Variants in BAZ2B observed in about 807,000 individuals in gnomAD.
BAZ2B encodes bromodomain adjacent to zinc finger domain 2B.
Under a neutral mutation model 246.0 loss-of-function variants are expected in BAZ2B, and 91 were observed. That is an observed-to-expected ratio of 0.37 (90% CI 0.31 to 0.44). The LOEUF (loss-of-function observed/expected upper bound fraction) is 0.44. Among genes scored for constraint, BAZ2B ranks in the 20% least tolerant of loss-of-function variants. The pLI is 1.00. For synonymous variants in BAZ2B, 855 were observed against 860.0 expected (o/e 0.99, Z 0.10); for missense variants, 2,332 against 2,533.7 (o/e 0.92, Z 1.71).
At chr2:159,642,567 A>G in the BAZ2B span, among the ~76,000 whole-genome samples, 1 of 152,126 alleles carries the variant, frequency 6.6e-6, no homozygotes, top group African/African-American at 2.4e-5. Flanking sequence ...AATGGGGGAA[A>G]TTATAATTGT....
At chr2:159,580,097 G>C in intron 1 of BAZ2B, among the ~76,000 whole-genome samples, 1 of 152,086 alleles carries the variant, frequency 6.6e-6, no homozygotes, top group Non-Finnish European at 1.5e-5. Context: ...AGAAATAAAG[G>C]GTATTGAATA....
intron 2 of BAZ2B, among the ~76,000 whole-genome samples, chr2:159,488,781 A>T (rs1040830244): frequency 3.9e-5 from 6 of 152,150 alleles, no homozygotes; most frequent in Admixed American, 2.6e-4. Flanking sequence ...TCAACAATGA[A>T]ATGAGCTATT....
In BAZ2B at chr2:159,386,133, G is replaced by C. The variant is rs1298349068; in HGVS notation, c.3471+220C>G. On this transcript the variant is annotated intron_variant, in intron 22 of 36. Transcript: ENST00000392783. ...ACCTTGGTCTTTGCCTACAGCTAGA[G>C]GAAAAAAGAATAACTTGAGAATGGT... 1.3e-5 allele frequency among the ~76,000 whole-genome samples: 2 copies of C among 151,984 alleles called. 1 individual carries two copies. The highest frequency in any genetic ancestry group is 2.9e-5 in the Non-Finnish European group (2 of 67,978).
chr2:159,484,045 G>A (rs915411528), intron 2 of BAZ2B, among the ~76,000 whole-genome samples: 2 of 152,252 alleles, frequency 1.3e-5, no homozygotes, highest in African/African-American at 4.8e-5. Flanking sequence ...GAACATATGG[G>A]TGACATTTTC....
chr2:159,367,274 C>A (rs370383363), intron 27 of BAZ2B, among the ~76,000 whole-genome samples: 1 of 152,184 alleles, frequency 6.6e-6, no homozygotes, highest in Non-Finnish European at 1.5e-5. Flanking sequence ...AGGCACACCC[C>A]TGTGGAACCA....
Position 159,350,374 on chromosome 2 carries a change from C to A in BAZ2B, c.4214-17G>T. The A allele has an allele frequency of 1.3e-6, 2 of 1,487,566 alleles. No homozygotes were observed. The highest frequency in any genetic ancestry group is 2.7e-5 in the South Asian group (2 of 73,536). The allele number at this position is 1,487,566 out of a possible 1,614,324, so 92.1% of individuals were successfully genotyped here. ...CTTCTAGTCCTACAAAATGAAAAAG[C>A]ATTATGAACATCAGTTACTCCAGAT... On this transcript the variant is annotated splice_polypyrimidine_tract_variant and intron_variant, in intron 27 of 36. Transcript: ENST00000392783.
the BAZ2B span, among the ~76,000 whole-genome samples, chr2:159,673,224 AAAT>A: frequency 6.6e-6 from 1 of 152,182 alleles, no homozygotes; most frequent in Non-Finnish European, 1.5e-5. Flanking sequence ...TGATTCAGAA[AAAT>A]AATATGAACT....
chr2:159,546,007 G>C (rs2087286751), intron 2 of BAZ2B, among the ~76,000 whole-genome samples: 2 of 152,058 alleles, frequency 1.3e-5, no homozygotes, highest in African/African-American at 4.8e-5. Flanking sequence ...GCTATGAATA[G>C]CACATTTCAA....
intron 1 of BAZ2B, among the ~76,000 whole-genome samples, chr2:159,593,005 A>G (rs544192371): frequency 6.6e-6 from 1 of 152,342 alleles, no homozygotes; most frequent in South Asian, 2.1e-4. Context: ...TAAATGATGA[A>G]GCAAAGCCTT....
the BAZ2B span, among the ~76,000 whole-genome samples, chr2:159,662,880 C>G: frequency 3.9e-5 from 6 of 152,192 alleles, no homozygotes; most frequent in East Asian, 1.2e-3. Flanking sequence ...GAATTAGTAT[C>G]TTATTGTCAT....
At chr2:159,496,134 G>A (rs2081097777) in intron 2 of BAZ2B, among the ~76,000 whole-genome samples, 1 of 149,050 alleles carries the variant, frequency 6.7e-6, no homozygotes, top group South Asian at 2.1e-4. Flanking sequence ...CCAGCACTTT[G>A]GGAGGTCAAG....
intron 1 of BAZ2B, among the ~76,000 whole-genome samples, chr2:159,569,820 G>A (rs969114028): frequency 4.0e-5 from 6 of 151,548 alleles, no homozygotes; most frequent in African/African-American, 1.5e-4. Context: ...GCAAGAGCCT[G>A]TCTCATAAAA....
chr2:159,709,931 T>A, the BAZ2B span, among the ~76,000 whole-genome samples: 1 of 152,102 alleles, frequency 6.6e-6, no homozygotes, highest in Non-Finnish European at 1.5e-5. Flanking sequence ...AGTTTAAAAA[T>A]GAAAACTAAG....
intron 1 of BAZ2B, among the ~76,000 whole-genome samples, chr2:159,580,152 T>C (rs1246312432): frequency 2.0e-5 from 3 of 152,216 alleles, no homozygotes; most frequent in Non-Finnish European, 4.4e-5. Flanking sequence ...GATGACATGA[T>C]TTTTTATTTA....
At chr2:159,439,758 T>C (rs913763345) in intron 6 of BAZ2B, among the ~76,000 whole-genome samples, 1 of 152,096 alleles carries the variant, frequency 6.6e-6, no homozygotes, top group African/African-American at 2.4e-5. Context: ...TAATAAGTGC[T>C]GTAGAGAAGA....
chr2:159,495,460 G>C (rs1445768377), intron 2 of BAZ2B, among the ~76,000 whole-genome samples: 1 of 120,350 alleles, frequency 8.3e-6, no homozygotes, highest in Admixed American at 9.9e-5. Flanking sequence ...ACTCCAGCCT[G>C]GGCGACAGAG....
At chr2:159,657,473 A>G in the BAZ2B span, among the ~76,000 whole-genome samples, 1 of 152,156 alleles carries the variant, frequency 6.6e-6, no homozygotes, top group Non-Finnish European at 1.5e-5. Context: ...TAAACTTCAG[A>G]ATCAGCTTGT....
rs16844064 is a variant in BAZ2B, at chr2:159,507,348, A to T, written c.-2-28627T>A. On this transcript the variant is annotated intron_variant, in intron 2 of 36. Coordinates refer to ENST00000392783, the MANE Select transcript of BAZ2B (RefSeq NM_013450.4). ...TAGTAATGAAAGTTAGGCTTCAAACAACTACGACAGTGAGGAGGTTAAAAA... is the reference window on the plus strand; with the variant it reads ...TAGTAATGAAAGTTAGGCTTCAAACTACTACGACAGTGAGGAGGTTAAAAA... Among the ~76,000 whole-genome samples the T allele has an allele frequency of 7.9e-3, 1,208 of 152,292 alleles. 12 individuals carry two copies. Among genetic ancestry groups the T allele is most frequent in the African/African-American group, 0.027 (1,140 of 41,550 alleles).
At chr2:159,639,999 G>A in the BAZ2B span, among the ~76,000 whole-genome samples, 4 of 151,814 alleles carry the variant, frequency 2.6e-5, no homozygotes, top group Admixed American at 6.6e-5. Flanking sequence ...TGAAAATAAA[G>A]GGATGGAAAA....
Sources: allele counts gnomAD v4.1 joint callset (sites outside exome capture counted in the v4.1 genomes callset), GRCh38; gene constraint gnomAD v4.1.1; transcripts MANE v1.5; gene names NCBI Gene and HGNC (gene_info 2026-07-23, HGNC 2026-07-21).